ADAMTSL1: variants seen among roughly 807,000 people sequenced by gnomAD.
ADAMTSL1 encodes ADAMTS-like protein 1.
In ADAMTSL1, 126 loss-of-function variants were observed where a neutral mutation model predicts 201.8. The observed-to-expected ratio is 0.62, with a 90% confidence interval of 0.54 to 0.72. ADAMTSL1 has a LOEUF of 0.72. ADAMTSL1 is among the 30% of genes least tolerant of loss of function. The probability of loss-of-function intolerance (pLI) is 0.00; values close to 1 mark genes in which losing one functional copy is unlikely to be tolerated. For synonymous variants in ADAMTSL1, 1,121 were observed against 903.4 expected (o/e 1.24, Z -4.32); for missense variants, 2,679 against 2,277.8 (o/e 1.18, Z -3.59).
intron 1 of ADAMTSL1, among the ~76,000 whole-genome samples, chr9:17,933,724 A>C (rs1826892362): frequency 6.6e-6 from 1 of 152,128 alleles, no homozygotes; most frequent in Admixed American, 6.6e-5. Flanking sequence ...AGACAGAGAA[A>C]GGGGAGGTGC....
intron 3 of ADAMTSL1, 115 bp downstream of exon 3, chr9:18,533,407 T>TA (rs1435704899): frequency 1.7e-5 from 13 of 746,634 alleles, no homozygotes; most frequent in Non-Finnish European, 2.4e-5. Flanking sequence ...TGAGAGTTTT[T>TA]ATCTCATACT....
chr9:18,246,048 C>A (rs1280748431), intron 2 of ADAMTSL1, among the ~76,000 whole-genome samples: 1 of 152,260 alleles, frequency 6.6e-6, no homozygotes, highest in African/African-American at 2.4e-5. Flanking sequence ...CCTCTACCGG[C>A]TGCTGTGGGT....
chr9:17,986,757 G>A (rs1462270055), intron 1 of ADAMTSL1, among the ~76,000 whole-genome samples: 1 of 152,052 alleles, frequency 6.6e-6, no homozygotes, highest in Non-Finnish European at 1.5e-5. Flanking sequence ...CTCCAGGTGT[G>A]TATGCAGTAC....
rs563678096 is a variant in ADAMTSL1, at chr9:18,090,392, C to T, written c.88-73470C>T. On this transcript the variant is annotated intron_variant, in intron 1 of 29. Coordinates refer to the ADAMTSL1 transcript ENST00000680146. ...ATGAATAAACAAAATAGGGTATATA[C>T]ACTGAATAGAATATTATTCAGCCTT... Among the ~76,000 whole-genome samples the T allele has an allele frequency of 2.0e-4, 30 of 152,296 alleles. No homozygotes were observed. The South Asian group carries it at 6.2e-3, about 32-fold the overall frequency.
intron 3 of ADAMTSL1, among the ~76,000 whole-genome samples, chr9:18,567,218 A>C (rs539169601): frequency 6.6e-6 from 1 of 152,270 alleles, no homozygotes; most frequent in African/African-American, 2.4e-5. Context: ...TAATCTCAGC[A>C]CTTTGGGAGG....
intron 2 of ADAMTSL1, among the ~76,000 whole-genome samples, chr9:18,192,444 G>A (rs1829007063): frequency 6.6e-6 from 1 of 152,094 alleles, no homozygotes; most frequent in African/African-American, 2.4e-5. Context: ...AGCCTATCAT[G>A]GGGCTGTTCA....
At chr9:18,158,778 A>G (rs1021442846) in intron 1 of ADAMTSL1, among the ~76,000 whole-genome samples, 4 of 152,016 alleles carry the variant, frequency 2.6e-5, no homozygotes, top group Admixed American at 2.6e-4. Context: ...CCTTCCAACC[A>G]GAAGTTAATT....
chr9:18,161,398 G>T (rs1827382208), intron 1 of ADAMTSL1, among the ~76,000 whole-genome samples: 1 of 151,984 alleles, frequency 6.6e-6, no homozygotes, highest in Non-Finnish European at 1.5e-5. Flanking sequence ...TTAAGAATTG[G>T]CATCGAATAA....
At chr9:18,145,279 T>C (rs552190667) in intron 1 of ADAMTSL1, among the ~76,000 whole-genome samples, 1 of 152,202 alleles carries the variant, frequency 6.6e-6, no homozygotes, top group Admixed American at 6.5e-5. Flanking sequence ...TTATGCACAA[T>C]TGCTGTGACC....
intron 15 of ADAMTSL1, among the ~76,000 whole-genome samples, chr9:18,727,593 G>A (rs1817967288): frequency 6.6e-6 from 1 of 152,226 alleles, no homozygotes; most frequent in Non-Finnish European, 1.5e-5. Flanking sequence ...TATTGGCCCA[G>A]TGATCACAAA....
intron 16 of ADAMTSL1, among the ~76,000 whole-genome samples, chr9:18,759,228 A>G (rs1013037792): frequency 2.6e-5 from 4 of 152,304 alleles, no homozygotes; most frequent in Non-Finnish European, 5.9e-5. Flanking sequence ...ACCTTTCTTA[A>G]TCAGGGTCAC....
At chr9:18,669,513 A>G (rs866312343) in intron 9 of ADAMTSL1, among the ~76,000 whole-genome samples, 20 of 152,196 alleles carry the variant, frequency 1.3e-4, no homozygotes, top group African/African-American at 4.6e-4. Flanking sequence ...GTGGAAGCCC[A>G]GATAAATGAA....
At chr9:17,975,299 C>T (rs1818399818) in intron 1 of ADAMTSL1, among the ~76,000 whole-genome samples, 1 of 151,812 alleles carries the variant, frequency 6.6e-6, no homozygotes, top group South Asian at 2.1e-4. Flanking sequence ...AACAAAATAT[C>T]ATAAGCTGAG....
chr9:18,409,981 G>A (rs1028579078), intron 2 of ADAMTSL1, among the ~76,000 whole-genome samples: 64 of 151,338 alleles, frequency 4.2e-4, no homozygotes, highest in African/African-American at 1.4e-3. Flanking sequence ...CCAATTACAA[G>A]TATCTTTGCT....
At chr9:18,764,888 T>G (rs951191474) in intron 16 of ADAMTSL1, among the ~76,000 whole-genome samples, 1 of 152,246 alleles carries the variant, frequency 6.6e-6, no homozygotes, top group African/African-American at 2.4e-5. Context: ...TATATACTGT[T>G]GGAGGTCTGT....
intron 4 of ADAMTSL1, among the ~76,000 whole-genome samples, chr9:18,587,013 G>T (rs1823542229): frequency 6.6e-6 from 1 of 152,010 alleles, no homozygotes; most frequent in African/African-American, 2.4e-5. Context: ...GACAACGTAG[G>T]CAATACCATT....
chr9:18,297,032 C>A (rs900783680), intron 2 of ADAMTSL1, among the ~76,000 whole-genome samples: 1 of 152,286 alleles, frequency 6.6e-6, no homozygotes, highest in African/African-American at 2.4e-5. Flanking sequence ...AAAAGAGATA[C>A]ATAAAAGTTA....
chr9:18,838,725 G>A (rs1240563179), intron 23 of ADAMTSL1, among the ~76,000 whole-genome samples: 1 of 151,688 alleles, frequency 6.6e-6, no homozygotes, highest in Non-Finnish European at 1.5e-5. Context: ...AGCTGCTTGG[G>A]AGGCTGAGGT....
intron 1 of ADAMTSL1, among the ~76,000 whole-genome samples, chr9:18,047,850 G>T (rs1821740799): frequency 6.6e-6 from 1 of 152,216 alleles, no homozygotes; most frequent in South Asian, 2.1e-4. Flanking sequence ...GTTTTAGTTT[G>T]TTGACTTCCA....
Sources: allele counts gnomAD v4.1 joint callset (sites outside exome capture counted in the v4.1 genomes callset), GRCh38; gene constraint gnomAD v4.1.1; transcripts MANE v1.5; gene names NCBI Gene and HGNC (gene_info 2026-07-23, HGNC 2026-07-21).